Variants in CBL observed in about 807,000 individuals in gnomAD.
The protein encoded by CBL is E3 ubiquitin-protein ligase CBL.
In CBL, 45 loss-of-function variants were observed where a neutral mutation model predicts 96.9. That is an observed-to-expected ratio of 0.46 (90% CI 0.37 to 0.60). The LOEUF (loss-of-function observed/expected upper bound fraction) is 0.60, where lower values mean the gene tolerates loss of function less well. Among genes scored for constraint, CBL ranks in the 20% least tolerant of loss-of-function variants. CBL has a pLI of 0.00. For missense variants in CBL, 1,024 were observed against 1,143.5 expected (o/e 0.90, Z 1.51); for synonymous variants, 420 against 426.8 (o/e 0.98, Z 0.20).
chr11:119,295,926 A>G (rs1416864135), intron 12 of CBL, among the ~76,000 whole-genome samples: 2 of 152,220 alleles, frequency 1.3e-5, no homozygotes, highest in Non-Finnish European at 2.9e-5. Flanking sequence ...CTTCTGCCTC[A>G]GAACTTCAGC....
chr11:119,248,260 G>A (rs552895360), intron 2 of CBL, among the ~76,000 whole-genome samples: 3 of 152,280 alleles, frequency 2.0e-5, no homozygotes, highest in African/African-American at 7.2e-5. Context: ...TTGTGGTACT[G>A]GTATAAGGAT....
At chr11:119,275,015 A>G (rs1230607217) in intron 5 of CBL, 62 bp downstream of exon 5, 6 of 1,579,070 alleles carry the variant, frequency 3.8e-6, no homozygotes, top group Non-Finnish European at 5.2e-6. Context: ...GACTTCTGCT[A>G]GTATAGAAGA....
intron 2 of CBL, among the ~76,000 whole-genome samples, chr11:119,259,178 T>G (rs1949733511): frequency 6.6e-6 from 1 of 152,172 alleles, no homozygotes; most frequent in South Asian, 2.1e-4. Flanking sequence ...CTAGTTGTCT[T>G]TTGGAGGAGT....
chr11:119,243,467 A>G (rs377146159), intron 2 of CBL, among the ~76,000 whole-genome samples: 42 of 151,414 alleles, frequency 2.8e-4, no homozygotes, highest in African/African-American at 9.9e-4. Flanking sequence ...TTAGGAATTT[A>G]TCAAAGAGAA....
chr11:119,266,640 A>G (rs987433846), intron 2 of CBL, among the ~76,000 whole-genome samples: 3 of 152,152 alleles, frequency 2.0e-5, no homozygotes, highest in Non-Finnish European at 2.9e-5. Flanking sequence ...AAAAAAAAAG[A>G]TACTGCATAC....
intron 2 of CBL, among the ~76,000 whole-genome samples, chr11:119,234,546 G>A (rs1239495331): frequency 1.3e-5 from 2 of 152,072 alleles, no homozygotes; most frequent in Non-Finnish European, 2.9e-5. Context: ...TACCATGTAC[G>A]TGAACTAGGT....
Position 119,245,278 on chromosome 11 carries a change from C to G in CBL, c.443+12583C>G, listed in dbSNP as rs190039171. Among the ~76,000 whole-genome samples the G allele has an allele frequency of 5.5e-4, 83 of 150,540 alleles. 1 individual carries two copies. The East Asian group carries it at 0.013, about 23-fold the overall frequency. ...TTTGGTTTGAGGACCCCTTTACATT[C>G]TAAAAATTTTTTGAGGACCTCAAAG... is the stretch of plus-strand genomic sequence containing the variant. On this transcript the variant is annotated intron_variant, in intron 2 of 15. Coordinates refer to ENST00000264033, the MANE Select transcript of CBL (RefSeq NM_005188.4).
At chr11:119,262,920 C>G (rs1231993165) in intron 2 of CBL, among the ~76,000 whole-genome samples, 1 of 152,190 alleles carries the variant, frequency 6.6e-6, no homozygotes, top group East Asian at 1.9e-4. Context: ...AACCAAAGAG[C>G]CCTGGCTCTT....
chr11:119,285,270 G>A lies in CBL; in HGVS notation c.1645G>A (p.Asp549Asn). ...AGATCTTCCACCACCACCGCCTCCA[G>A]ACCGGCCATATTCTGTTGGAGCAGA... ...LRDLPPPPPP[D>N]RPYSVGAESR... is the part of the protein sequence containing the mutation. Residue 549 changes from aspartate to asparagine, a missense_variant, in exon 11 of 16, where the codon GAC (aspartate) becomes AAC (asparagine). Asp to Asn is a conservative substitution (Grantham distance 23). Transcript: ENST00000264033. 2 of 1,614,068 alleles carry A rather than the reference G, an allele frequency of 1.2e-6. No homozygotes were observed. The highest frequency in any genetic ancestry group is 1.1e-5 in the South Asian group (1 of 91,076).
Position 119,297,445 on chromosome 11 carries a change from T to A in CBL, c.2215T>A (p.Ser739Thr). The A allele has an allele frequency of 6.2e-7, 1 of 1,613,778 alleles. No individual in the cohort carries two copies. The highest frequency in any genetic ancestry group is 8.5e-7 in the Non-Finnish European group (1 of 1,179,898). ...GTATGAAGCAATGTATAATATTCAG[T>A]CCCAGGCGCCATCTATCACCGAGAG... ...CTYEAMYNIQ[S>T]QAPSITESST... Residue 739 changes from serine (S) to threonine (T), a missense_variant, in exon 14 of 16, where the codon TCC becomes ACC. Transcript: ENST00000264033.
In CBL at chr11:119,297,051, C is replaced by G; in HGVS notation, c.2153+17C>G. 1 of 1,304,098 alleles carries G rather than the reference C, an allele frequency of 7.7e-7. No homozygotes were observed. Among genetic ancestry groups the G allele is most frequent in the South Asian group, 1.2e-5 (1 of 84,946 alleles). The allele number at this position is 1,304,098 out of a possible 1,614,324, so 80.8% of individuals were successfully genotyped here. A position where few individuals can be genotyped will look rare whatever the true frequency, so the allele number is the denominator to read the frequency against. The stretch of plus-strand genomic sequence containing the variant: ...GAGTTCACGGTAGGTTCACAACAAC[C>G]CTTTTTGGGCCCTATACCTTTATGT... On this transcript the variant is annotated intron_variant, in intron 13 of 15. Transcript: ENST00000264033.
At chr11:119,218,145 T>C (rs1204236381) in intron 1 of CBL, among the ~76,000 whole-genome samples, 1 of 152,148 alleles carries the variant, frequency 6.6e-6, no homozygotes, top group Non-Finnish European at 1.5e-5. Flanking sequence ...GTTGACACTT[T>C]TCCACAGTCC....
At chr11:119,228,909 C>G (rs1442522832) in intron 1 of CBL, among the ~76,000 whole-genome samples, 1 of 151,722 alleles carries the variant, frequency 6.6e-6, no homozygotes, top group East Asian at 1.9e-4. Flanking sequence ...TTCCCGGGTT[C>G]AAGTGATTCT....
At chr11:119,212,971 T>A in intron 1 of CBL, among the ~76,000 whole-genome samples, 1 of 110,110 alleles carries the variant, frequency 9.1e-6, no homozygotes, top group African/African-American at 4.9e-5. Flanking sequence ...AAACTCCGTC[T>A]CAAAAAAAAA....
At chr11:119,277,991 G>A in intron 7 of CBL, 147 bp downstream of exon 7, 2 of 880,574 alleles carry the variant, frequency 2.3e-6, no homozygotes, top group Non-Finnish European at 3.7e-6. Flanking sequence ...AAACCCTGGA[G>A]CTTAAAATAG....
At chr11:119,271,667 G>T (rs531886269) in intron 2 of CBL, 68 bp from the exon 3 acceptor site, 1 of 1,280,164 alleles carries the variant, frequency 7.8e-7, no homozygotes, top group African/African-American at 1.5e-5. Flanking sequence ...ATCTTGTATG[G>T]TGAATTTGGT....
intron 9 of CBL, among the ~76,000 whole-genome samples, chr11:119,282,330 C>T (rs1309218162): frequency 6.7e-6 from 1 of 148,204 alleles, no homozygotes; most frequent in Non-Finnish European, 1.5e-5. Context: ...AAGAGTGAGA[C>T]TCCATCTCAA....
intron 1 of CBL, among the ~76,000 whole-genome samples, chr11:119,216,650 T>G (rs1049472180): frequency 2.0e-5 from 3 of 152,068 alleles, no homozygotes; most frequent in African/African-American, 7.2e-5. Flanking sequence ...GATTACAGGC[T>G]TGAGCCACTG....
intron 9 of CBL, among the ~76,000 whole-genome samples, chr11:119,283,512 C>T (rs1366640621): frequency 6.6e-6 from 1 of 151,594 alleles, no homozygotes; most frequent in African/African-American, 2.4e-5. Flanking sequence ...TATTCCTAAG[C>T]CTGCTATAGG....
Sources: gnomAD v4.1 joint callset for allele counts (sites outside exome capture counted in the v4.1 genomes callset) on GRCh38, gnomAD v4.1.1 for gene constraint, MANE v1.5 for transcripts, NCBI Gene and HGNC (gene_info 2026-07-23, HGNC 2026-07-21) for gene names.